The following IL7 variants were observed in gnomAD, a reference collection of about 807,000 sequenced individuals.
The protein encoded by IL7 is interleukin 7, also known as interleukin-7.
A neutral mutation model predicts 21.6 loss-of-function variants in IL7; 3 were observed. The ratio of observed to expected loss-of-function variants is 0.14; its 90% confidence interval spans 0.06 to 0.36. IL7 has a LOEUF of 0.36. IL7 is among the 10% of genes least tolerant of loss of function. The probability of loss-of-function intolerance (pLI) is 1.00; values close to 1 mark genes in which losing one functional copy is unlikely to be tolerated. For synonymous variants in IL7, 62 were observed against 68.1 expected (o/e 0.91, Z 0.44); for missense variants, 175 against 200.2 (o/e 0.87, Z 0.76).
chr8:78,796,518 T>C (rs957995588), intron 2 of IL7, among the ~76,000 whole-genome samples: 13 of 151,824 alleles, frequency 8.6e-5, no homozygotes, highest in African/African-American at 3.1e-4. Flanking sequence ...TACAATTAAA[T>C]GATGAAAAAA....
intron 3 of IL7, chr8:78,697,304 A>G: frequency 1.1e-6 from 1 of 901,154 alleles, no homozygotes. Context: ...TCATCTTGTA[A>G]GGCTGAAATC....
At chr8:78,773,670 A>G (rs908233137) in intron 2 of IL7, among the ~76,000 whole-genome samples, 1 of 152,156 alleles carries the variant, frequency 6.6e-6, no homozygotes, top group African/African-American at 2.4e-5. Context: ...ATAGCCAGTG[A>G]GTGGTAACCT....
At chr8:78,765,000 A>G (rs1812709931) in intron 2 of IL7, among the ~76,000 whole-genome samples, 1 of 152,142 alleles carries the variant, frequency 6.6e-6, no homozygotes, top group Admixed American at 6.5e-5. Flanking sequence ...TCAATGGACC[A>G]GAATATGAGC....
downstream of IL7, among the ~76,000 whole-genome samples, chr8:78,713,239 G>A (rs74537922): frequency 6.6e-6 from 1 of 151,922 alleles, no homozygotes; most frequent in Non-Finnish European, 1.5e-5. Context: ...TGTAAGACTG[G>A]GGCAAGATGT....
At chr8:78,788,770 G>C (rs1813593703) in intron 2 of IL7, among the ~76,000 whole-genome samples, 3 of 152,120 alleles carry the variant, frequency 2.0e-5, no homozygotes. Flanking sequence ...AAGTTCATCT[G>C]TAACCTTACT....
intron 4 of IL7, among the ~76,000 whole-genome samples, chr8:78,682,721 A>G (rs146368917): frequency 1.0e-3 from 157 of 152,278 alleles, no homozygotes; most frequent in Non-Finnish European, 1.4e-3. Flanking sequence ...TGCCTTCCCA[A>G]CAGTCCCCCA....
At chr8:78,690,932 T>C (rs1810192036) in intron 3 of IL7, among the ~76,000 whole-genome samples, 1 of 152,208 alleles carries the variant, frequency 6.6e-6, no homozygotes, top group Non-Finnish European at 1.5e-5. Flanking sequence ...ATTAATCTTA[T>C]ACCCTGCTAT....
intron 4 of IL7, chr8:78,678,542 T>G: frequency 6.4e-7 from 1 of 1,573,522 alleles, no homozygotes; most frequent in South Asian, 1.2e-5. Flanking sequence ...AATGATAGGC[T>G]GCATTTCTTT....
At chr8:78,802,171 A>T (rs947590266) in intron 1 of IL7, among the ~76,000 whole-genome samples, 1 of 152,180 alleles carries the variant, frequency 6.6e-6, no homozygotes, top group South Asian at 2.1e-4. Context: ...CAAATAATAC[A>T]TTCAATCCTC....
At chr8:78,793,584 T>G (rs1813764077) in intron 2 of IL7, among the ~76,000 whole-genome samples, 1 of 152,142 alleles carries the variant, frequency 6.6e-6, no homozygotes, top group Non-Finnish European at 1.5e-5. Context: ...GTTGTAAACT[T>G]TTTTGCTGGT....
downstream of IL7, among the ~76,000 whole-genome samples, chr8:78,732,209 C>T (rs533950520): frequency 1.2e-4 from 18 of 152,054 alleles, no homozygotes; most frequent in Non-Finnish European, 2.1e-4. Flanking sequence ...TTAATCAACT[C>T]ATCTTTCTGG....
At position 78,779,222 on chromosome 8, in the gene IL7, C is replaced by T. The variant is rs567216045; in HGVS notation, c.147+18850G>A. On this transcript the variant is annotated intron_variant, in intron 2 of 5. Coordinates refer to ENST00000263851, the MANE Select transcript of IL7 (RefSeq NM_000880.4). ...ACTTCCTGTCTTCCTATTTGCCTAC[C>T]TTTATTTGTTTCTTTTGCCTGATTG... 1.5e-4 allele frequency among the ~76,000 whole-genome samples: 23 copies of T among 152,208 alleles called. No homozygotes were observed. In the South Asian group the frequency reaches 4.6e-3, roughly 30 times the overall value.
intron 3 of IL7, among the ~76,000 whole-genome samples, chr8:78,709,615 G>T (rs1285509865): frequency 4.0e-5 from 6 of 151,822 alleles, no homozygotes; most frequent in African/African-American, 1.5e-4. Flanking sequence ...AACTGCCTTA[G>T]AGCAGGGGGG....
At chr8:78,776,341 AAG>A (rs1813138862) in intron 2 of IL7, among the ~76,000 whole-genome samples, 1 of 152,128 alleles carries the variant, frequency 6.6e-6, no homozygotes, top group Non-Finnish European at 1.5e-5. Context: ...GAGACAGTGC[AAG>A]ATTTCATCAT....
chr8:78,761,276 A>G, intron 2 of IL7: 1 of 1,608,890 alleles, frequency 6.2e-7, no homozygotes, highest in Non-Finnish European at 8.5e-7. Context: ...AACTTCCTCG[A>G]TTGTTCCTAA....
intron 2 of IL7, among the ~76,000 whole-genome samples, chr8:78,780,193 A>G (rs1813282731): frequency 6.6e-6 from 1 of 151,940 alleles, no homozygotes; most frequent in South Asian, 2.1e-4. Context: ...TTCTGGATTC[A>G]TTAATATTTT....
rs979601355 is a variant in IL7, at chr8:78,791,195, T to A, written c.147+6877A>T. ...TATTTCTGTATCAATTTCACACCAGTCCCTGATCCCTCCCACCTTGGTGCC... is the reference window on the plus strand; with the variant it reads ...TATTTCTGTATCAATTTCACACCAGACCCTGATCCCTCCCACCTTGGTGCC... On this transcript the variant is annotated intron_variant, in intron 2 of 5. Transcript: ENST00000263851. 2.6e-5 allele frequency among the ~76,000 whole-genome samples: 4 copies of A among 152,130 alleles called. No individual in the cohort carries two copies. The East Asian group carries it at 7.7e-4, about 29-fold the overall frequency.
intron 3 of IL7, chr8:78,712,115 T>C (rs1183556800): frequency 7.1e-6 from 9 of 1,268,682 alleles, no homozygotes; most frequent in Non-Finnish European, 9.3e-6. Context: ...AAGTAAGTAT[T>C]TGTAACTCAG....
intron 2 of IL7, among the ~76,000 whole-genome samples, chr8:78,786,793 T>A (rs1813522446): frequency 6.6e-6 from 1 of 152,122 alleles, no homozygotes; most frequent in African/African-American, 2.4e-5. Flanking sequence ...AGATGACTGG[T>A]ATCTGGCAGC....
Sources: gnomAD v4.1 joint callset for allele counts (sites outside exome capture counted in the v4.1 genomes callset) on GRCh38, gnomAD v4.1.1 for gene constraint, MANE v1.5 for transcripts, NCBI Gene and HGNC (gene_info 2026-07-23, HGNC 2026-07-21) for gene names.